The following SH3PXD2A variants were observed in gnomAD, a reference collection of about 807,000 sequenced individuals.
The protein encoded by SH3PXD2A is SH3 and PX domain-containing protein 2A.
Under a neutral mutation model 115.2 loss-of-function variants are expected in SH3PXD2A, and 32 were observed. That is an observed-to-expected ratio of 0.28 (90% confidence interval 0.21 to 0.37). The LOEUF (loss-of-function observed/expected upper bound fraction) is 0.37, where lower values mean the gene tolerates loss of function less well. Among genes scored for constraint, SH3PXD2A ranks in the 10% least tolerant of loss-of-function variants. The pLI, the probability that SH3PXD2A is intolerant of heterozygous loss-of-function variation, is 1.00. For synonymous variants in SH3PXD2A, 610 were observed against 629.1 expected, an observed-to-expected ratio of 0.97 and a Z score of 0.45; for missense variants, 1,328 against 1,498.7, an observed-to-expected ratio of 0.89 and a Z score of 1.88.
At chr10:103,759,616 C>T (rs888241069) in intron 3 of SH3PXD2A, among the ~76,000 whole-genome samples, 11 of 152,150 alleles carry the variant, frequency 7.2e-5, no homozygotes, top group African/African-American at 2.7e-4. Flanking sequence ...AATCCCTGGC[C>T]ACAGTTGTTT....
intron 1 of SH3PXD2A, among the ~76,000 whole-genome samples, chr10:103,804,384 T>G (rs1051363659): frequency 1.4e-5 from 2 of 139,772 alleles, no homozygotes; most frequent in African/African-American, 5.4e-5. Flanking sequence ...TGCAGTGGCG[T>G]GATCTCGGCT....
chr10:103,660,330 C>T lies in SH3PXD2A; in HGVS notation c.604+653G>A, dbSNP rs77455582. ...GACACCAAGGTACCTTTGCCCCCTC[C>T]GTGGCACCCTGAGAACCAGCTGCCC... On this transcript the variant is annotated intron_variant, in intron 8 of 14. Transcript: ENST00000369774. 4.6e-3 allele frequency among the ~76,000 whole-genome samples: 697 copies of T among 152,260 alleles called. 6 individuals carry two copies. The highest frequency in any genetic ancestry group is 0.016 in the African/African-American group (647 of 41,538).
intron 5 of SH3PXD2A, among the ~76,000 whole-genome samples, chr10:103,721,823 G>A (rs2038185852): frequency 6.6e-6 from 1 of 152,140 alleles, no homozygotes; most frequent in African/African-American, 2.4e-5. Context: ...GAAGGGGCAG[G>A]AGCGCAGACA....
chr10:103,635,512 G>T (rs1420786852), intron 8 of SH3PXD2A, among the ~76,000 whole-genome samples: 1 of 152,204 alleles, frequency 6.6e-6, no homozygotes, highest in Non-Finnish European at 1.5e-5. Context: ...ACCCCTCCCA[G>T]ACAGGGGCCA....
intron 7 of SH3PXD2A, chr10:103,661,762 T>C (rs2037308171): frequency 1.0e-6 from 1 of 985,102 alleles, no homozygotes; most frequent in African/African-American, 1.7e-5. Context: ...TCACTGGGGT[T>C]TACTCGCAAC....
intron 7 of SH3PXD2A, chr10:103,661,616 C>T: frequency 5.1e-6 from 5 of 975,886 alleles, no homozygotes; most frequent in Non-Finnish European, 6.1e-6. Context: ...GCTCCAGCCT[C>T]TGCCCCCAAC....
At chr10:103,631,458 A>T (rs75472664) in intron 8 of SH3PXD2A, among the ~76,000 whole-genome samples, 3,878 of 152,306 alleles carry the variant, frequency 0.025, 170 homozygotes, top group African/African-American at 0.086. Context: ...GAAACCATAG[A>T]AAGCAAAACT....
chr10:103,685,337 CAAAAAAAAAAAAAA>C (rs775424414), intron 6 of SH3PXD2A, among the ~76,000 whole-genome samples: 2 of 56,390 alleles, frequency 3.5e-5, no homozygotes. Flanking sequence ...AACTCTGTCT[CAAAAAAAAAAAAAA>C]AAAAAAAAAA....
At chr10:103,660,019 A>G (rs972176607) in intron 8 of SH3PXD2A, among the ~76,000 whole-genome samples, 2 of 152,106 alleles carry the variant, frequency 1.3e-5, no homozygotes, top group Non-Finnish European at 2.9e-5. Flanking sequence ...TCCGGGTTTA[A>G]ACACTGGCAA....
chr10:103,808,411 C>G (rs1293632597), intron 1 of SH3PXD2A, among the ~76,000 whole-genome samples: 1 of 152,122 alleles, frequency 6.6e-6, no homozygotes, highest in Non-Finnish European at 1.5e-5. Context: ...GCCATCACAC[C>G]TGGCTAATTT....
chr10:103,704,401 T>C (rs2037957334), intron 5 of SH3PXD2A, among the ~76,000 whole-genome samples: 1 of 152,280 alleles, frequency 6.6e-6, no homozygotes, highest in Non-Finnish European at 1.5e-5. Flanking sequence ...GCCACTTTGC[T>C]GAGACCACAC....
intron 8 of SH3PXD2A, among the ~76,000 whole-genome samples, chr10:103,655,188 G>C (rs1468921025): frequency 6.6e-6 from 1 of 152,216 alleles, no homozygotes; most frequent in Non-Finnish European, 1.5e-5. Context: ...GGCTGGGACA[G>C]GACCTCGTGG....
intron 8 of SH3PXD2A, among the ~76,000 whole-genome samples, chr10:103,659,989 C>CCTTTG (rs1251988311): frequency 1.8e-4 from 27 of 152,170 alleles, no homozygotes; most frequent in African/African-American, 6.5e-4. Context: ...GCACTGCTGT[C>CCTTTG]CTATGCTTTG....
At chr10:103,847,498 A>AT (rs905107331) in intron 1 of SH3PXD2A, among the ~76,000 whole-genome samples, 1 of 151,844 alleles carries the variant, frequency 6.6e-6, no homozygotes, top group Non-Finnish European at 1.5e-5. Flanking sequence ...TTATTTTTTA[A>AT]TTTTTTTGTA....
intron 8 of SH3PXD2A, among the ~76,000 whole-genome samples, chr10:103,634,222 A>G (rs1318525857): frequency 2.0e-5 from 3 of 152,182 alleles, no homozygotes; most frequent in African/African-American, 7.2e-5. Flanking sequence ...AGAAGAGGAG[A>G]GGATGCCTCC....
At chr10:103,825,025 C>T (rs921712280) in intron 1 of SH3PXD2A, among the ~76,000 whole-genome samples, 2 of 152,208 alleles carry the variant, frequency 1.3e-5, no homozygotes, top group African/African-American at 4.8e-5. Context: ...TGGTCTTGAA[C>T]TCCTGGGCTC....
rs756841036 is a variant in SH3PXD2A at position 103,801,263 on chromosome 10, C to G, written c.153+19G>C. 3 of 1,529,926 alleles carry G rather than the reference C, an allele frequency of 2.0e-6. No homozygotes were observed. The highest frequency in any genetic ancestry group is 2.7e-6 in the Non-Finnish European group (3 of 1,104,558). 94.8% of individuals were successfully genotyped at this position (1,529,926 alleles called of 1,614,324 possible). A position where few individuals can be genotyped will look rare whatever the true frequency, so the allele number is the denominator to read the frequency against. ...CACCAGAGAGACTTGGGCCACTGTC[C>G]GAGCTCTGACAAACTCACCTGCAGG... On this transcript the variant is annotated intron_variant, in intron 2 of 14. Coordinates refer to ENST00000369774, the MANE Select transcript of SH3PXD2A (RefSeq NM_001394015.1).
chr10:103,705,258 C>T (rs1192342740), intron 5 of SH3PXD2A, among the ~76,000 whole-genome samples: 1 of 152,060 alleles, frequency 6.6e-6, no homozygotes, highest in Non-Finnish European at 1.5e-5. Context: ...GGCTTGTGCC[C>T]ATGAACCCCA....
intron 8 of SH3PXD2A, among the ~76,000 whole-genome samples, chr10:103,631,321 G>A (rs140262467): frequency 7.9e-5 from 12 of 152,222 alleles, no homozygotes; most frequent in Middle Eastern, 3.4e-3. Flanking sequence ...GTTAGGCACA[G>A]GAGATTAACA....
Sources: gnomAD v4.1 joint callset for allele counts (sites outside exome capture counted in the v4.1 genomes callset) on GRCh38, gnomAD v4.1.1 for gene constraint, MANE v1.5 for transcripts, NCBI Gene and HGNC (gene_info 2026-07-23, HGNC 2026-07-21) for gene names.